UBR2: variants seen among roughly 807,000 people sequenced by gnomAD.
UBR2 encodes the protein E3 ubiquitin-protein ligase UBR2.
UBR2 carries 92 observed loss-of-function variants against 247.9 expected under a neutral mutation model. The ratio of observed to expected loss-of-function variants is 0.37; its 90% CI spans 0.31 to 0.44. UBR2 has a LOEUF of 0.44. UBR2 is among the 20% of genes least tolerant of loss of function. The pLI is 1.00. For missense variants in UBR2, 1,613 were observed against 2,112.6 expected (o/e 0.76, Z 4.64); for synonymous variants, 672 against 693.5 (o/e 0.97, Z 0.49).
chr6:42,686,188 AC>A (rs1799382350), intron 44 of UBR2, among the ~76,000 whole-genome samples: 1 of 151,956 alleles, frequency 6.6e-6, no homozygotes, highest in Non-Finnish European at 1.5e-5. Context: ...AAAGATGTGA[AC>A]AAAGGTCTCT....
At chr6:42,634,263 A>G in intron 13 of UBR2, 1 of 431,464 alleles carries the variant, frequency 2.3e-6, no homozygotes, top group Non-Finnish European at 4.6e-6. Context: ...ATCCCTATAT[A>G]CAAAACAGAA....
At position 42,671,109 on chromosome 6, in the gene UBR2, C is replaced by T. The variant is rs188173057; in HGVS notation, c.4086+394C>T. On this transcript the variant is annotated intron_variant, in intron 36 of 46. Transcript: ENST00000372901. ...CAGAGGCAAGACAATCGCTTGAACC[C>T]GGGAGGCAGAGGTTGCGGTGAGCTG... Among the ~76,000 whole-genome samples, 116 of 151,010 alleles carry T rather than the reference C, an allele frequency of 7.7e-4. 2 individuals are homozygous for T. The highest frequency in any genetic ancestry group is 7.6e-3 in the East Asian group (39 of 5,136).
At chr6:42,580,808 T>C (rs1489876602) in intron 2 of UBR2, among the ~76,000 whole-genome samples, 1 of 152,204 alleles carries the variant, frequency 6.6e-6, no homozygotes, top group East Asian at 1.9e-4. Flanking sequence ...CTCAAAGTGT[T>C]GGGATTACAG....
intron 1 of UBR2, among the ~76,000 whole-genome samples, chr6:42,572,144 A>G (rs1791189359): frequency 6.6e-6 from 1 of 152,186 alleles, no homozygotes; most frequent in East Asian, 1.9e-4. Flanking sequence ...TCCTACTTGC[A>G]TAATGTAAAC....
At chr6:42,593,715 G>A (rs1204118902) in intron 3 of UBR2, among the ~76,000 whole-genome samples, 1 of 152,082 alleles carries the variant, frequency 6.6e-6, no homozygotes, top group Non-Finnish European at 1.5e-5. Flanking sequence ...GCTATTTAAG[G>A]TGTATTAGAG....
chr6:42,691,242 G>T lies in UBR2; in HGVS notation c.*69G>T, dbSNP rs542361668. 1.9e-6 allele frequency: 3 copies of T among 1,571,220 alleles called. No homozygotes were observed. Among genetic ancestry groups the T allele is most frequent in the Admixed American group, 2.0e-5 (1 of 49,144 alleles). On this transcript the variant is annotated 3_prime_UTR_variant, in exon 47 of 47. Transcript: ENST00000372901. ...AGTTGGCTTTTTAAGAAAGAAAGAAGTTCTGCTGAATTTGGAAATAAATTC... is the reference window on the plus strand; with the variant it reads ...AGTTGGCTTTTTAAGAAAGAAAGAATTTCTGCTGAATTTGGAAATAAATTC...
intron 45 of UBR2, 142 bp downstream of exon 45, chr6:42,688,528 G>A (rs181229082): frequency 2.5e-4 from 244 of 957,254 alleles, no homozygotes; most frequent in Middle Eastern, 3.4e-4. Context: ...GCTCCTTGTC[G>A]CCTCACATCT....
intron 18 of UBR2, among the ~76,000 whole-genome samples, chr6:42,642,887 C>G (rs1249370914): frequency 6.6e-6 from 1 of 152,210 alleles, no homozygotes; most frequent in East Asian, 1.9e-4. Flanking sequence ...GACTGCGATA[C>G]TTAACTGCAT....
intron 2 of UBR2, among the ~76,000 whole-genome samples, chr6:42,574,730 C>G (rs1024249040): frequency 1.3e-5 from 2 of 148,866 alleles, no homozygotes; most frequent in African/African-American, 5.0e-5. Context: ...GAGTCTTGCC[C>G]TGTCACCCAG....
rs977480101 is a variant in UBR2 at position 42,576,264 on chromosome 6, A to G, written c.338+2271A>G. On this transcript the variant is annotated intron_variant, in intron 2 of 46. Coordinates refer to ENST00000372901, the MANE Select transcript of UBR2 (RefSeq NM_001363705.2). ...TCTGTATAAATGTATTGAAATAGATATTGGAAACCATGCATCTGTAGTGAT... is the reference window on the plus strand; with the variant it reads ...TCTGTATAAATGTATTGAAATAGATGTTGGAAACCATGCATCTGTAGTGAT... Among the ~76,000 whole-genome samples the G allele has an allele frequency of 2.6e-5, 4 of 152,202 alleles. 1 individual carries two copies. The highest frequency in any genetic ancestry group is 9.6e-5 in the African/African-American group (4 of 41,452).
Position 42,564,369 on chromosome 6 carries a change from T to G in UBR2, c.50T>G (p.Leu17Arg). The G allele has an allele frequency of 6.2e-7, 1 of 1,611,104 alleles. No homozygotes were observed. The change falls in exon 1 of 47, where the codon CTG becomes CGG. Residue 17 changes from leucine to arginine, a missense_variant. Physicochemically the swap from Leu to Arg is moderately radical, Grantham distance 102 (BLOSUM62 -2). Transcript: ENST00000372901. The stretch of plus-strand genomic sequence containing the variant: ...GTGCAGGCCATCGACCGGAGCTTGC[T>G]GGAATGTTCGGCCGAGGAGATTGCG... Reference protein sequence around the residue: ...PEVQAIDRSLLECSAEEIAGK... With the variant: ...PEVQAIDRSLRECSAEEIAGK...
At chr6:42,688,429 T>C (rs371158659) in intron 45 of UBR2, 43 bp downstream of exon 45, 2 of 1,604,284 alleles carry the variant, frequency 1.2e-6, no homozygotes, top group African/African-American at 2.7e-5. Flanking sequence ...TCTGCCTCAG[T>C]ATCTGACTGT....
intron 13 of UBR2, chr6:42,634,173 T>G (rs1795942663): frequency 4.7e-6 from 1 of 211,670 alleles, no homozygotes; most frequent in African/African-American, 2.4e-5. Context: ...GTTTCCATGT[T>G]TCTTTTTCTC....
At chr6:42,661,217 A>C (rs1797782006) in intron 30 of UBR2, among the ~76,000 whole-genome samples, 1 of 151,788 alleles carries the variant, frequency 6.6e-6, no homozygotes, top group Non-Finnish European at 1.5e-5. Context: ...GAACCCAGGA[A>C]GCAGAGCTTG....
intron 22 of UBR2, among the ~76,000 whole-genome samples, chr6:42,650,011 T>G (rs2151965358): frequency 6.6e-6 from 1 of 152,344 alleles, no homozygotes; most frequent in East Asian, 1.9e-4. Context: ...AATTTGTTAT[T>G]TCACGTTATT....
At chr6:42,686,893 G>A (rs1438705918) in intron 44 of UBR2, among the ~76,000 whole-genome samples, 10 of 151,602 alleles carry the variant, frequency 6.6e-5, no homozygotes, top group East Asian at 1.9e-4. Flanking sequence ...ACAGGGTCGC[G>A]GCCGGGCAGA....
intron 1 of UBR2, among the ~76,000 whole-genome samples, chr6:42,567,866 G>C (rs1056915720): frequency 2.0e-5 from 3 of 151,688 alleles, no homozygotes; most frequent in African/African-American, 4.8e-5. Flanking sequence ...GCTATACCCT[G>C]TCTCTACTAA....
chr6:42,642,093 G>C (rs181558641), intron 17 of UBR2, among the ~76,000 whole-genome samples: 270 of 151,898 alleles, frequency 1.8e-3, no homozygotes, highest in Non-Finnish European at 3.0e-3. Flanking sequence ...GATCAGACAA[G>C]ATCTGGCACA....
intron 10 of UBR2, 35 bp downstream of exon 10, chr6:42,616,125 T>C: frequency 3.4e-6 from 5 of 1,474,900 alleles, no homozygotes; most frequent in African/African-American, 1.4e-5. Flanking sequence ...ATAGGTTATA[T>C]ATAGAGTAAC....
Sources: gnomAD v4.1 joint callset for allele counts (sites outside exome capture counted in the v4.1 genomes callset) on GRCh38, gnomAD v4.1.1 for gene constraint, MANE v1.5 for transcripts, NCBI Gene and HGNC (gene_info 2026-07-23, HGNC 2026-07-21) for gene names.